The following IMMP2L variants were observed in gnomAD, a reference collection of about 807,000 sequenced individuals.
IMMP2L encodes inner mitochondrial membrane peptidase subunit 2, also known as mitochondrial inner membrane protease subunit 2.
Under a neutral mutation model 19.3 loss-of-function variants are expected in IMMP2L, and 18 were observed. That is an observed-to-expected ratio of 0.93 (90% confidence interval 0.64 to 1.38). The LOEUF (loss-of-function observed/expected upper bound fraction) is 1.38, where lower values mean the gene tolerates loss of function less well. IMMP2L is among the 40% of genes most tolerant of loss of function. The pLI, the probability that IMMP2L is intolerant of heterozygous loss-of-function variation, is 0.00. For synonymous variants in IMMP2L, 76 were observed against 73.0 expected, an observed-to-expected ratio of 1.04 and a Z score of -0.21; for missense variants, 233 against 218.2, an observed-to-expected ratio of 1.07 and a Z score of -0.43.
chr7:111,146,111 G>A (rs1803439372), intron 3 of IMMP2L, among the ~76,000 whole-genome samples: 3 of 152,016 alleles, frequency 2.0e-5, no homozygotes, highest in South Asian at 4.1e-4. Context: ...ACCCACAAAT[G>A]AGTGCAATAG....
intron 3 of IMMP2L, among the ~76,000 whole-genome samples, chr7:111,456,162 G>A (rs1225704074): frequency 6.6e-6 from 1 of 151,522 alleles, no homozygotes; most frequent in African/African-American, 2.4e-5. Context: ...AACTCTTTAG[G>A]GCAAGAAAAG....
intron 5 of IMMP2L, among the ~76,000 whole-genome samples, chr7:110,810,105 A>G (rs1003660636): frequency 2.0e-5 from 3 of 151,542 alleles, no homozygotes; most frequent in African/African-American, 7.3e-5. Context: ...CTCGTTCCCA[A>G]CTCTCAGCTG....
intron 3 of IMMP2L, among the ~76,000 whole-genome samples, chr7:111,206,768 T>G (rs1429323065): frequency 6.6e-6 from 1 of 152,130 alleles, no homozygotes; most frequent in Non-Finnish European, 1.5e-5. Context: ...ATTTTTAAAG[T>G]GAGAATATAT....
At chr7:110,761,190 C>A (rs1798328099) in intron 5 of IMMP2L, among the ~76,000 whole-genome samples, 1 of 152,084 alleles carries the variant, frequency 6.6e-6, no homozygotes, top group African/African-American at 2.4e-5. Flanking sequence ...GTTTCTCAGT[C>A]TGTAGAATAT....
chr7:110,882,928 C>T (rs1251997830), intron 5 of IMMP2L, among the ~76,000 whole-genome samples: 1 of 152,068 alleles, frequency 6.6e-6, no homozygotes, highest in Non-Finnish European at 1.5e-5. Flanking sequence ...CCTGACGCAT[C>T]CCACCCATCA....
chr7:111,311,578 T>C (rs1823521516), intron 3 of IMMP2L, among the ~76,000 whole-genome samples: 1 of 152,166 alleles, frequency 6.6e-6, no homozygotes. Flanking sequence ...TTTGTAGCAA[T>C]ACTCATGCTT....
At chr7:111,278,969 G>C (rs1819404019) in intron 3 of IMMP2L, among the ~76,000 whole-genome samples, 1 of 151,276 alleles carries the variant, frequency 6.6e-6, no homozygotes, top group East Asian at 1.9e-4. Flanking sequence ...CAATCCTTAA[G>C]ACATGAAACA....
intron 5 of IMMP2L, among the ~76,000 whole-genome samples, chr7:110,816,808 C>A (rs1163465952): frequency 6.6e-6 from 1 of 150,842 alleles, no homozygotes; most frequent in Admixed American, 6.6e-5. Flanking sequence ...TTTTTGTTTT[C>A]CATTTGCTTG....
chr7:111,217,990 A>G (rs1812133542), intron 3 of IMMP2L, among the ~76,000 whole-genome samples: 1 of 152,088 alleles, frequency 6.6e-6, no homozygotes, highest in Admixed American at 6.6e-5. Flanking sequence ...TCTTTTCAAA[A>G]TAATGAGCTA....
chr7:111,507,278 C>G (rs1043613492), intron 2 of IMMP2L, among the ~76,000 whole-genome samples: 1 of 152,134 alleles, frequency 6.6e-6, no homozygotes, highest in Non-Finnish European at 1.5e-5. Flanking sequence ...GTTCTGGGCA[C>G]CCTATATTTC....
intron 3 of IMMP2L, among the ~76,000 whole-genome samples, chr7:111,127,169 C>T (rs910861100): frequency 4.6e-5 from 7 of 152,134 alleles, no homozygotes; most frequent in African/African-American, 7.2e-5. Context: ...CAGAGGCTGA[C>T]GTTAGAATTT....
At chr7:110,713,622 C>T (rs56668975) in intron 5 of IMMP2L, among the ~76,000 whole-genome samples, 7,055 of 147,092 alleles carry the variant, frequency 0.048, 207 homozygotes, top group African/African-American at 0.085. Context: ...TAGAGATCTT[C>T]TATCGCCTTG....
In IMMP2L at chr7:111,282,496, C is replaced by T. The variant is rs1336811197; in HGVS notation, c.239+204742G>A. 3.3e-5 allele frequency among the ~76,000 whole-genome samples: 5 copies of T among 151,994 alleles called. No homozygotes were observed. The South Asian group carries it at 8.3e-4, about 25-fold the overall frequency. Reference sequence around the variant, plus strand: ...CATATATGCAGCCAATAATGATGCACTTAAATATTTGAAATAAAAACTGAC... The same window carrying T: ...CATATATGCAGCCAATAATGATGCATTTAAATATTTGAAATAAAAACTGAC... On this transcript the variant is annotated intron_variant, in intron 3 of 5. Coordinates refer to ENST00000405709, the MANE Select transcript of IMMP2L (RefSeq NM_032549.4).
intron 3 of IMMP2L, among the ~76,000 whole-genome samples, chr7:111,172,316 A>C (rs773990985): frequency 6.6e-6 from 1 of 151,454 alleles, no homozygotes; most frequent in Non-Finnish European, 1.5e-5. Context: ...ATTAAATTTA[A>C]AGACTGGAAC....
intron 3 of IMMP2L, among the ~76,000 whole-genome samples, chr7:111,307,167 T>A (rs986811632): frequency 1.3e-5 from 2 of 151,638 alleles, no homozygotes; most frequent in African/African-American, 4.8e-5. Flanking sequence ...ACCTTACTTT[T>A]GGATCCTAAA....
chr7:111,057,233 T>C (rs1021046889), intron 3 of IMMP2L, among the ~76,000 whole-genome samples: 5 of 152,220 alleles, frequency 3.3e-5, no homozygotes, highest in East Asian at 1.9e-4. Flanking sequence ...CATTCACCCA[T>C]AGTGCAGGCT....
chr7:110,874,622 TTTAAA>T (rs1808880601), intron 5 of IMMP2L, among the ~76,000 whole-genome samples: 1 of 151,870 alleles, frequency 6.6e-6, no homozygotes, highest in Admixed American at 6.6e-5. Flanking sequence ...GGTTGCTTTC[TTTAAA>T]TTAAAATATA....
At chr7:111,155,590 G>A (rs559580010) in intron 3 of IMMP2L, among the ~76,000 whole-genome samples, 2 of 151,592 alleles carry the variant, frequency 1.3e-5, no homozygotes, top group Admixed American at 1.3e-4. Context: ...CTGTCTCTCT[G>A]TCTGTGTATA....
chr7:110,992,820 C>A (rs1374688664), intron 3 of IMMP2L, among the ~76,000 whole-genome samples: 1 of 152,024 alleles, frequency 6.6e-6, no homozygotes, highest in East Asian at 1.9e-4. Context: ...ATTCAAATTG[C>A]CAGCTTCATG....
Sources: allele counts gnomAD v4.1 joint callset (sites outside exome capture counted in the v4.1 genomes callset), GRCh38; gene constraint gnomAD v4.1.1; transcripts MANE v1.5; gene names NCBI Gene and HGNC (gene_info 2026-07-23, HGNC 2026-07-21).